FAM167A: variants seen among roughly 807,000 people sequenced by gnomAD.
FAM167A encodes protein FAM167A.
Under a neutral mutation model 14.9 loss-of-function variants are expected in FAM167A, and 23 were observed. The observed-to-expected ratio is 1.55, with a 90% CI of 1.11 to 2.19. FAM167A has a LOEUF of 2.19. Among genes scored for constraint, FAM167A ranks in the 30% most tolerant of loss-of-function variants. FAM167A has a pLI of 0.00. For missense variants in FAM167A, 401 were observed against 281.5 expected (o/e 1.42, Z -3.04); for synonymous variants, 174 against 117.7 (o/e 1.48, Z -3.10).
chr8:11,453,352 A>T (rs1411087605), intron 1 of FAM167A, among the ~76,000 whole-genome samples: 2 of 152,226 alleles, frequency 1.3e-5, no homozygotes, highest in Non-Finnish European at 2.9e-5. Context: ...ATAACATTTT[A>T]GTAACACTGT....
At chr8:11,434,150 T>C (rs1404982926) in intron 2 of FAM167A, 4 of 152,196 alleles carry the variant, frequency 2.6e-5, no homozygotes, top group African/African-American at 4.8e-5. Flanking sequence ...GTCTTGTGAA[T>C]TGATTTCCAG....
At chr8:11,453,073 C>G (rs1192866254) in intron 1 of FAM167A, among the ~76,000 whole-genome samples, 1 of 152,228 alleles carries the variant, frequency 6.6e-6, no homozygotes, top group Admixed American at 6.5e-5. Context: ...ACGCTGTCCC[C>G]TTCTCCACAA....
rs1806645823 is a variant in FAM167A at position 11,444,338 on chromosome 8, T to TC, written c.73dup (p.Asp25GlyfsTer94). ...GAGGGCCTTCAGGCTCCGGAGGTGG[T>TC]CATCGGGTGGTGCGGCTGCTCCCGC... On this transcript the variant is annotated frameshift_variant, in exon 2 of 3. Transcript: ENST00000284486. LOFTEE classifies it high-confidence loss of function. 3.7e-6 allele frequency: 6 copies of TC among 1,608,072 alleles called. No homozygotes were observed. The highest frequency in any genetic ancestry group is 5.1e-6 in the Non-Finnish European group (6 of 1,177,514).
rs1804863760 is a variant in FAM167A, at chr8:11,422,983, C to G, written c.*1390G>C. ...GGGTTTGGCAAAGCATCACGACCAT[C>G]TTTGGGGTTCAAGTTCATTGACATG... On this transcript the variant is annotated 3_prime_UTR_variant, in exon 3 of 3. Transcript: ENST00000284486. 6.5e-6 allele frequency: 1 copy of G among 152,674 alleles called. No individual in the cohort carries two copies. The highest frequency in any genetic ancestry group is 1.5e-5 in the Non-Finnish European group (1 of 68,050). The allele number at this position is 152,674 out of a possible 1,614,324, so 9.5% of individuals were successfully genotyped here. A position where few individuals can be genotyped will look rare whatever the true frequency, so the allele number is the denominator to read the frequency against.
intron 2 of FAM167A, 110 bp from the exon 3 acceptor site, chr8:11,424,746 A>G: frequency 1.4e-6 from 2 of 1,423,132 alleles, no homozygotes; most frequent in African/African-American, 1.4e-5. Flanking sequence ...TAAGTGGTCC[A>G]TCTAGAAATA....
At chr8:11,456,286 A>G (rs1309756187) in intron 1 of FAM167A, among the ~76,000 whole-genome samples, 1 of 130,290 alleles carries the variant, frequency 7.7e-6, no homozygotes, top group Admixed American at 7.8e-5. Flanking sequence ...CCTTGTGGGT[A>G]TCAGTGTGAG....
chr8:11,427,461 A>G (rs1454604264), intron 2 of FAM167A, among the ~76,000 whole-genome samples: 1 of 152,154 alleles, frequency 6.6e-6, no homozygotes, highest in African/African-American at 2.4e-5. Context: ...GTTATTTAGT[A>G]TTTCTGCGAC....
upstream of FAM167A, among the ~76,000 whole-genome samples, chr8:11,469,339 A>G (rs1343775959): frequency 6.6e-6 from 1 of 152,192 alleles, no homozygotes; most frequent in East Asian, 1.9e-4. Context: ...AAGAAACACT[A>G]CTCAAAAGGG....
intron 1 of FAM167A, among the ~76,000 whole-genome samples, chr8:11,449,538 G>T (rs774531892): frequency 6.6e-6 from 1 of 152,152 alleles, no homozygotes. Flanking sequence ...TCGTTCCTAG[G>T]GGTGGAGGGG....
intron 1 of FAM167A, among the ~76,000 whole-genome samples, chr8:11,460,544 A>T (rs1467878937): frequency 6.6e-6 from 1 of 152,208 alleles, no homozygotes. Flanking sequence ...CCCGGTTTGC[A>T]GTGTCCTATG....
At chr8:11,466,261 G>A (rs1807760106) in intron 1 of FAM167A, among the ~76,000 whole-genome samples, 1 of 152,234 alleles carries the variant, frequency 6.6e-6, no homozygotes, top group Non-Finnish European at 1.5e-5. Context: ...TGGGCTTGGA[G>A]GTCACCAGCC....
chr8:11,436,646 A>G (rs1012194630), intron 2 of FAM167A, among the ~76,000 whole-genome samples: 13 of 152,234 alleles, frequency 8.5e-5, no homozygotes, highest in African/African-American at 3.1e-4. Flanking sequence ...CTTGCATTAC[A>G]TGAAACTGGA....
At chr8:11,425,366 G>A (rs1423697484) in intron 2 of FAM167A, among the ~76,000 whole-genome samples, 6 of 152,160 alleles carry the variant, frequency 3.9e-5, no homozygotes, top group African/African-American at 1.4e-4. Context: ...ATCCACAGCC[G>A]AGCTGGGATG....
intron 1 of FAM167A, among the ~76,000 whole-genome samples, chr8:11,448,371 C>T (rs1007738251): frequency 1.3e-5 from 2 of 152,222 alleles, no homozygotes; most frequent in Admixed American, 1.3e-4. Flanking sequence ...GCTCTCAGCA[C>T]ACTGCCTGGT....
At chr8:11,475,103 T>C (rs1454365440) in intron 1 of FAM167A, among the ~76,000 whole-genome samples, 3 of 152,252 alleles carry the variant, frequency 2.0e-5, no homozygotes, top group African/African-American at 7.2e-5. Flanking sequence ...TCCAGCAGAC[T>C]GGGCAGTCCA....
Position 11,444,584 on chromosome 8 carries a change from C to T in FAM167A, c.-173G>A, listed in dbSNP as rs547497651. ...GGGTGGCAGGGGAGCTGAGAGGGAC[C>T]GCGCAGTGAGCCGCACAGGGCGCCC... is the stretch of plus-strand genomic sequence containing the variant. On this transcript the variant is annotated 5_prime_UTR_variant, in exon 2 of 3. Transcript: ENST00000284486. 32 of 1,430,964 alleles carry T rather than the reference C, an allele frequency of 2.2e-5. No individual in the cohort carries two copies. Among genetic ancestry groups the T allele is most frequent in the South Asian group, 4.5e-5 (3 of 66,264 alleles). The allele number at this position is 1,430,964 out of a possible 1,614,324, so 88.6% of individuals were successfully genotyped here. A position where few individuals can be genotyped will look rare whatever the true frequency, so the allele number is the denominator to read the frequency against.
intron 2 of FAM167A, among the ~76,000 whole-genome samples, chr8:11,439,107 C>T (rs1000181690): frequency 5.9e-5 from 9 of 152,364 alleles, no homozygotes; most frequent in Middle Eastern, 3.4e-3. Flanking sequence ...GTGTCTGTGT[C>T]GTGGCTTAGC....
intron 1 of FAM167A, among the ~76,000 whole-genome samples, chr8:11,455,286 G>T (rs149258271): frequency 6.6e-4 from 98 of 148,390 alleles, no homozygotes; most frequent in African/African-American, 2.1e-3. Flanking sequence ...GTGTGTGTCT[G>T]GGGGGGGTGG....
intron 2 of FAM167A, among the ~76,000 whole-genome samples, chr8:11,425,546 G>C (rs571101217): frequency 6.6e-6 from 1 of 152,090 alleles, no homozygotes; most frequent in African/African-American, 2.4e-5. Context: ...GTAAACACAA[G>C]GTAAAATCCT....
Sources: allele counts gnomAD v4.1 joint callset (sites outside exome capture counted in the v4.1 genomes callset), GRCh38; gene constraint gnomAD v4.1.1; transcripts MANE v1.5; gene names NCBI Gene and HGNC (gene_info 2026-07-23, HGNC 2026-07-21).